Variants in KCNC2 observed in about 807,000 individuals in gnomAD.
KCNC2 encodes the protein potassium voltage-gated channel subfamily C member 2, also known as voltage-gated potassium channel KCNC2.
In KCNC2, 21 loss-of-function variants were observed where a neutral mutation model predicts 44.5. The observed-to-expected ratio is 0.47, with a 90% CI of 0.33 to 0.68. The LOEUF (loss-of-function observed/expected upper bound fraction) is 0.68. Among genes scored for constraint, KCNC2 ranks in the 30% least tolerant of loss-of-function variants. KCNC2 has a pLI of 0.01. For synonymous variants in KCNC2, 391 were observed against 339.1 expected (o/e 1.15, Z -1.68); for missense variants, 589 against 826.2 (o/e 0.71, Z 3.52).
chr12:75,177,949 T>C (rs971705122), intron 2 of KCNC2, among the ~76,000 whole-genome samples: 3 of 151,998 alleles, frequency 2.0e-5, no homozygotes, highest in African/African-American at 7.2e-5. Context: ...TTCCTTACTT[T>C]ACTTATTAAC....
intron 2 of KCNC2, among the ~76,000 whole-genome samples, chr12:75,128,042 T>C (rs1365989343): frequency 2.6e-5 from 4 of 152,264 alleles, no homozygotes; most frequent in African/African-American, 9.6e-5. Context: ...TTCCATGTAA[T>C]AATCACAAAA....
chr12:75,127,194 C>T (rs181831621), intron 2 of KCNC2, among the ~76,000 whole-genome samples: 23 of 152,104 alleles, frequency 1.5e-4, no homozygotes, highest in Admixed American at 5.2e-4. Context: ...TTTAACAAAG[C>T]GAGAATTAGT....
At chr12:75,117,627 G>A (rs1362684141) in intron 2 of KCNC2, among the ~76,000 whole-genome samples, 2 of 152,050 alleles carry the variant, frequency 1.3e-5, no homozygotes, top group Non-Finnish European at 2.9e-5. Flanking sequence ...TCAAATATTA[G>A]AACTCTTAGG....
chr12:75,061,503 T>C (rs1430296300), intron 2 of KCNC2, among the ~76,000 whole-genome samples: 1 of 150,226 alleles, frequency 6.7e-6, no homozygotes, highest in East Asian at 2.0e-4. Context: ...AGTAAAGAAA[T>C]AGGAAAAAAT....
chr12:75,139,384 C>T (rs373088069), intron 2 of KCNC2, among the ~76,000 whole-genome samples: 24 of 152,236 alleles, frequency 1.6e-4, no homozygotes, highest in East Asian at 9.7e-4. Flanking sequence ...AAAGATAAGC[C>T]GATAAAACTG....
At chr12:75,089,210 T>C (rs905867763) in intron 2 of KCNC2, among the ~76,000 whole-genome samples, 1 of 151,898 alleles carries the variant, frequency 6.6e-6, no homozygotes, top group Non-Finnish European at 1.5e-5. Context: ...TTATTTTCTC[T>C]GTTAATATTC....
chr12:75,087,064 A>C (rs1885090589), intron 2 of KCNC2, among the ~76,000 whole-genome samples: 1 of 152,090 alleles, frequency 6.6e-6, no homozygotes, highest in Admixed American at 6.6e-5. Context: ...TCTTTATGGA[A>C]CTTAGAGCTT....
chr12:75,156,904 T>A (rs1169896904), intron 2 of KCNC2, among the ~76,000 whole-genome samples: 1 of 151,894 alleles, frequency 6.6e-6, no homozygotes, highest in Non-Finnish European at 1.5e-5. Context: ...AGTGTATTTA[T>A]GAGCCAGAGG....
chr12:75,177,996 G>A (rs1166263816), intron 2 of KCNC2, among the ~76,000 whole-genome samples: 3 of 151,970 alleles, frequency 2.0e-5, no homozygotes, highest in African/African-American at 4.8e-5. Flanking sequence ...CAAATACCTT[G>A]TCCAATAATT....
chr12:75,139,564 T>A (rs1889491519), intron 2 of KCNC2, among the ~76,000 whole-genome samples: 1 of 152,210 alleles, frequency 6.6e-6, no homozygotes, highest in Non-Finnish European at 1.5e-5. Context: ...CTTTTCCATA[T>A]CCATAAATAT....
chr12:75,042,327 T>C lies in KCNC2; in HGVS notation c.*778A>G. ...TCCCCAAGTCATTAAGTAAGAGATC[T>C]GGCCTCGGCTTGCGTGTAACCAGTA... On this transcript the variant is annotated 3_prime_UTR_variant, in exon 5 of 5. Transcript: ENST00000549446. 1.2e-6 allele frequency: 2 copies of C among 1,612,092 alleles called. No individual in the cohort carries two copies. The highest frequency in any genetic ancestry group is 1.7e-6 in the Non-Finnish European group (2 of 1,178,746).
chr12:75,089,746 T>A (rs974472464), intron 2 of KCNC2, among the ~76,000 whole-genome samples: 1 of 151,896 alleles, frequency 6.6e-6, no homozygotes, highest in African/African-American at 2.4e-5. Flanking sequence ...ACCTGTCCTA[T>A]CCATCTTTGT....
chr12:75,176,217 T>G (rs1892173221), intron 2 of KCNC2, among the ~76,000 whole-genome samples: 1 of 152,058 alleles, frequency 6.6e-6, no homozygotes, highest in Admixed American at 6.6e-5. Context: ...TGGTATATAT[T>G]CTCATTACTC....
At chr12:75,098,814 G>A (rs1334175075) in intron 2 of KCNC2, among the ~76,000 whole-genome samples, 1 of 151,782 alleles carries the variant, frequency 6.6e-6, no homozygotes, top group African/African-American at 2.4e-5. Context: ...CAATCACACT[G>A]GAAGAACTCA....
At chr12:75,064,314 C>T (rs1052147633) in intron 2 of KCNC2, among the ~76,000 whole-genome samples, 13 of 151,924 alleles carry the variant, frequency 8.6e-5, no homozygotes, top group Non-Finnish European at 1.3e-4. Flanking sequence ...CCAAAATCTC[C>T]CCACATATTG....
intron 2 of KCNC2, among the ~76,000 whole-genome samples, chr12:75,154,884 T>C (rs1015093470): frequency 1.6e-4 from 24 of 152,004 alleles, no homozygotes; most frequent in African/African-American, 5.6e-4. Context: ...CCATGCAAGA[T>C]TTCTTTTACA....
chr12:75,130,015 T>G (rs1454666713), intron 2 of KCNC2, among the ~76,000 whole-genome samples: 3 of 152,176 alleles, frequency 2.0e-5, no homozygotes, highest in Admixed American at 2.0e-4. Flanking sequence ...ATCTACAAAA[T>G]AGTTCTTTTT....
At chr12:75,192,709 G>A (rs1216028012) in intron 2 of KCNC2, among the ~76,000 whole-genome samples, 1 of 152,058 alleles carries the variant, frequency 6.6e-6, no homozygotes, top group Non-Finnish European at 1.5e-5. Context: ...GGGAAAAGAA[G>A]GTGAGCTCAA....
intron 2 of KCNC2, among the ~76,000 whole-genome samples, chr12:75,159,355 G>A (rs1194394432): frequency 1.3e-5 from 2 of 150,510 alleles, no homozygotes; most frequent in African/African-American, 4.9e-5. Flanking sequence ...TCTTGTTTCA[G>A]TTTTTGCTGC....
Sources: allele counts gnomAD v4.1 joint callset (sites outside exome capture counted in the v4.1 genomes callset), GRCh38; gene constraint gnomAD v4.1.1; transcripts MANE v1.5; gene names NCBI Gene and HGNC (gene_info 2026-07-23, HGNC 2026-07-21).